The following FNDC3A variants were observed in gnomAD, a reference collection of about 807,000 sequenced individuals.
The protein encoded by FNDC3A is fibronectin type-III domain-containing protein 3A.
A neutral mutation model predicts 148.9 loss-of-function variants in FNDC3A; 32 were observed. The ratio of observed to expected loss-of-function variants is 0.21; its 90% CI spans 0.16 to 0.29. The LOEUF (loss-of-function observed/expected upper bound fraction) is 0.29. FNDC3A is among the 10% of genes least tolerant of loss of function. FNDC3A has a pLI of 1.00. For missense variants in FNDC3A, 1,191 were observed against 1,452.8 expected (o/e 0.82, Z 2.93); for synonymous variants, 472 against 473.6 (o/e 1.00, Z 0.04).
chr13:48,984,489 A>G (rs558005758), intron 1 of FNDC3A, among the ~76,000 whole-genome samples: 29 of 152,354 alleles, frequency 1.9e-4, no homozygotes, highest in Admixed American at 1.1e-3. Context: ...AAGGAATAGA[A>G]TAATAAATTC....
At chr13:49,095,192 A>G (rs913142075) in intron 3 of FNDC3A, among the ~76,000 whole-genome samples, 2 of 152,030 alleles carry the variant, frequency 1.3e-5, no homozygotes, top group Non-Finnish European at 2.9e-5. Context: ...GTGAGATACC[A>G]TGGTGTTTTT....
chr13:49,117,273 G>C (rs1881030826), intron 4 of FNDC3A, among the ~76,000 whole-genome samples: 1 of 152,112 alleles, frequency 6.6e-6, no homozygotes, highest in Non-Finnish European at 1.5e-5. Context: ...ATGAAGTCTA[G>C]ATTTCTTGAC....
intron 2 of FNDC3A, among the ~76,000 whole-genome samples, chr13:49,023,037 C>T (rs1873445718): frequency 6.6e-6 from 1 of 151,954 alleles, no homozygotes; most frequent in Non-Finnish European, 1.5e-5. Context: ...CACACATATT[C>T]AGGTTCTGTC....
At chr13:49,001,902 C>G (rs1014871819) in intron 1 of FNDC3A, among the ~76,000 whole-genome samples, 1 of 152,146 alleles carries the variant, frequency 6.6e-6, no homozygotes, top group African/African-American at 2.4e-5. Flanking sequence ...CCTTGTGAAG[C>G]GTGTGATCTC....
chr13:49,010,482 TAAG>T (rs1952317557), intron 2 of FNDC3A, among the ~76,000 whole-genome samples: 1 of 152,028 alleles, frequency 6.6e-6, no homozygotes, highest in African/African-American at 2.4e-5. Context: ...ATACAGAAAA[TAAG>T]AAAATAGGGT....
intron 3 of FNDC3A, among the ~76,000 whole-genome samples, chr13:49,112,233 T>G (rs983069264): frequency 6.6e-6 from 1 of 152,216 alleles, no homozygotes; most frequent in African/African-American, 2.4e-5. Flanking sequence ...TTCAGTGAAT[T>G]CTCTGTCAAG....
chr13:49,053,685 C>T (rs1876018214), intron 2 of FNDC3A, among the ~76,000 whole-genome samples: 1 of 152,072 alleles, frequency 6.6e-6, no homozygotes, highest in African/African-American at 2.4e-5. Flanking sequence ...TAGGTTAAGG[C>T]GTTGTGGAGA....
intron 19 of FNDC3A, among the ~76,000 whole-genome samples, chr13:49,195,660 G>GT (rs1183631671): frequency 2.6e-5 from 4 of 152,034 alleles, no homozygotes; most frequent in African/African-American, 9.7e-5. Flanking sequence ...ATTAATACAT[G>GT]TTTTTTCCTA....
chr13:49,141,539 A>G (rs1255587709), intron 7 of FNDC3A, among the ~76,000 whole-genome samples: 38 of 152,280 alleles, frequency 2.5e-4, no homozygotes, highest in Admixed American at 2.2e-3. Context: ...ACAAGGATCA[A>G]ACATTTATGT....
intron 8 of FNDC3A, among the ~76,000 whole-genome samples, chr13:49,158,229 C>T (rs1033784976): frequency 1.4e-4 from 21 of 152,274 alleles, no homozygotes; most frequent in African/African-American, 4.8e-4. Context: ...CGTGGTGCGC[C>T]GTTTTTTAAG....
chr13:48,993,411 T>C (rs542199184), intron 1 of FNDC3A, among the ~76,000 whole-genome samples: 42 of 152,306 alleles, frequency 2.8e-4, no homozygotes, highest in African/African-American at 9.9e-4. Context: ...TTCTGATACA[T>C]ACCAGGATTT....
intron 5 of FNDC3A, among the ~76,000 whole-genome samples, chr13:49,135,837 G>T (rs1882323409): frequency 6.6e-6 from 1 of 152,146 alleles, no homozygotes; most frequent in South Asian, 2.1e-4. Context: ...TTGTTAAACA[G>T]TCTAAATCAT....
intron 2 of FNDC3A, chr13:49,045,650 A>C (rs538309141): frequency 1.1e-6 from 1 of 922,694 alleles, no homozygotes; most frequent in Non-Finnish European, 1.6e-6. Flanking sequence ...TCTACAATAC[A>C]TTTTTTCCTA....
At chr13:49,098,347 C>T (rs1397666717) in intron 3 of FNDC3A, among the ~76,000 whole-genome samples, 3 of 151,890 alleles carry the variant, frequency 2.0e-5, no homozygotes, top group African/African-American at 4.8e-5. Context: ...ATATCACTGC[C>T]GTGTGATGTC....
chr13:49,060,185 C>G (rs1031791804), intron 2 of FNDC3A, among the ~76,000 whole-genome samples: 1 of 152,048 alleles, frequency 6.6e-6, no homozygotes, highest in African/African-American at 2.4e-5. Context: ...ACGTGTATAT[C>G]CAAAAGAAAT....
intron 3 of FNDC3A, among the ~76,000 whole-genome samples, chr13:49,100,431 C>A (rs140131163): frequency 6.4e-4 from 98 of 152,230 alleles, no homozygotes; most frequent in African/African-American, 2.0e-3. Context: ...AAATCCCTAT[C>A]CCTCTTACGC....
rs752281471 is a variant in FNDC3A at position 49,174,411 on chromosome 13, A to G, written c.1231-24A>G. 7 of 1,594,624 alleles carry G rather than the reference A, an allele frequency of 4.4e-6. No individual in the cohort carries two copies. In the East Asian group the frequency reaches 1.1e-4, roughly 25 times the overall value. ...CTTTTTACAGTAATGTACATGGTAT[A>G]TAATAATCAGCCATTTCTTGTAGGG... On this transcript the variant is annotated intron_variant, in intron 11 of 25. Coordinates refer to ENST00000492622, the MANE Select transcript of FNDC3A (RefSeq NM_001079673.2).
chr13:49,163,457 T>C (rs1884281518), intron 8 of FNDC3A, among the ~76,000 whole-genome samples: 1 of 152,192 alleles, frequency 6.6e-6, no homozygotes, highest in African/African-American at 2.4e-5. Flanking sequence ...GGATATAATC[T>C]CCTGGTGTGC....
At chr13:49,107,262 A>G (rs1186269728) in intron 3 of FNDC3A, among the ~76,000 whole-genome samples, 3 of 152,238 alleles carry the variant, frequency 2.0e-5, no homozygotes, top group Non-Finnish European at 4.4e-5. Flanking sequence ...GTTATGTTAG[A>G]AAGTAGAGTT....
Sources: gnomAD v4.1 joint callset for allele counts (sites outside exome capture counted in the v4.1 genomes callset) on GRCh38, gnomAD v4.1.1 for gene constraint, MANE v1.5 for transcripts, NCBI Gene and HGNC (gene_info 2026-07-23, HGNC 2026-07-21) for gene names.